HCRTR2: variants seen among roughly 807,000 people sequenced by gnomAD.
HCRTR2 encodes hypocretin receptor 2, also known as orexin receptor type 2.
In HCRTR2, 22 loss-of-function variants were observed where a neutral mutation model predicts 49.0. The observed-to-expected ratio is 0.45, with a 90% CI of 0.32 to 0.64. The LOEUF (loss-of-function observed/expected upper bound fraction) is 0.64, where lower values mean the gene tolerates loss of function less well. Among genes scored for constraint, HCRTR2 ranks in the 30% least tolerant of loss-of-function variants. The probability of loss-of-function intolerance (pLI) is 0.04; values close to 1 mark genes in which losing one functional copy is unlikely to be tolerated. For synonymous variants in HCRTR2, 236 were observed against 205.3 expected (o/e 1.15, Z -1.28); for missense variants, 491 against 559.4 (o/e 0.88, Z 1.23).
upstream of HCRTR2, chr6:55,174,497 C>A: frequency 2.7e-6 from 3 of 1,101,026 alleles, no homozygotes; most frequent in Non-Finnish European, 4.2e-6. Flanking sequence ...CTAGCCTCTC[C>A]GCGCAGCCTT....
At chr6:55,264,160 A>G (rs1030602040) in intron 4 of HCRTR2, among the ~76,000 whole-genome samples, 1 of 152,040 alleles carries the variant, frequency 6.6e-6, no homozygotes, top group African/African-American at 2.4e-5. Context: ...TTCGCTTTCT[A>G]TGAGAAATAG....
intron 1 of HCRTR2, among the ~76,000 whole-genome samples, chr6:55,244,120 G>A (rs934709106): frequency 3.9e-5 from 6 of 151,924 alleles, no homozygotes. Flanking sequence ...TATTTTACGG[G>A]AAACATTATA....
intron 3 of HCRTR2, among the ~76,000 whole-genome samples, chr6:55,256,696 CA>C (rs138996618): frequency 0.18 from 26,335 of 147,588 alleles, 2,775 homozygotes; most frequent in Non-Finnish European, 0.24. Flanking sequence ...ATAGTGCAGA[CA>C]AAAAAAAAAT....
intron 1 of HCRTR2, among the ~76,000 whole-genome samples, chr6:55,150,713 T>C (rs1055797616): frequency 6.6e-6 from 1 of 152,038 alleles, no homozygotes; most frequent in Non-Finnish European, 1.5e-5. Flanking sequence ...GTATTTATCA[T>C]ATTTTCTTTA....
At chr6:55,266,422 A>T (rs565018626) in intron 4 of HCRTR2, among the ~76,000 whole-genome samples, 6 of 152,298 alleles carry the variant, frequency 3.9e-5, no homozygotes, top group African/African-American at 1.4e-4. Context: ...TAGAGAGGAC[A>T]TAGAGAATCT....
At chr6:55,140,619 A>C (rs1764493086) in intron 1 of HCRTR2, among the ~76,000 whole-genome samples, 1 of 152,144 alleles carries the variant, frequency 6.6e-6, no homozygotes, top group African/African-American at 2.4e-5. Flanking sequence ...GATTTTACAA[A>C]ATTTTTAACA....
intron 1 of HCRTR2, among the ~76,000 whole-genome samples, chr6:55,142,520 TA>T (rs1764522134): frequency 6.6e-6 from 1 of 152,140 alleles, no homozygotes; most frequent in Non-Finnish European, 1.5e-5. Context: ...ACTGATCATT[TA>T]ATGTTTAAAT....
intron 1 of HCRTR2, among the ~76,000 whole-genome samples, chr6:55,132,245 C>A (rs1361990947): frequency 1.3e-5 from 2 of 151,722 alleles, no homozygotes; most frequent in Admixed American, 1.3e-4. Context: ...AATTTGAGGG[C>A]AATCATTGTG....
At chr6:55,184,767 C>A (rs1765189887) in intron 1 of HCRTR2, among the ~76,000 whole-genome samples, 1 of 152,148 alleles carries the variant, frequency 6.6e-6, no homozygotes, top group African/African-American at 2.4e-5. Context: ...ATTATAATAT[C>A]CTTTTGTAGA....
intron 1 of HCRTR2, among the ~76,000 whole-genome samples, chr6:55,226,622 T>C (rs775456541): frequency 1.3e-5 from 2 of 152,120 alleles, no homozygotes; most frequent in Non-Finnish European, 2.9e-5. Flanking sequence ...AACTGCAATT[T>C]TATCTTAGGG....
chr6:55,165,621 G>A (rs1764865002), intron 1 of HCRTR2, among the ~76,000 whole-genome samples: 1 of 151,276 alleles, frequency 6.6e-6, no homozygotes, highest in African/African-American at 2.4e-5. Context: ...TGAATAAATT[G>A]GATCTTATCA....
chr6:55,256,406 G>C (rs1346566061), intron 3 of HCRTR2, among the ~76,000 whole-genome samples: 1 of 151,876 alleles, frequency 6.6e-6, no homozygotes, highest in Non-Finnish European at 1.5e-5. Flanking sequence ...CTTGGTGTTT[G>C]TACTAGAACA....
chr6:55,189,886 G>A (rs1765287694), intron 1 of HCRTR2, among the ~76,000 whole-genome samples: 1 of 152,108 alleles, frequency 6.6e-6, no homozygotes, highest in South Asian at 2.1e-4. Context: ...ATCAACTGTA[G>A]TGTATAGAAG....
At chr6:55,242,388 A>C (rs76683351) in intron 1 of HCRTR2, among the ~76,000 whole-genome samples, 1 of 69,174 alleles carries the variant, frequency 1.4e-5, no homozygotes, top group Non-Finnish European at 3.1e-5. Context: ...CCCCTGGGGG[A>C]AAAAAAAATC....
intron 1 of HCRTR2, among the ~76,000 whole-genome samples, chr6:55,133,659 T>A (rs1219176739): frequency 1.5e-5 from 2 of 132,908 alleles, no homozygotes; most frequent in Non-Finnish European, 3.3e-5. Flanking sequence ...TCTATCTATC[T>A]ATCATCTATC....
intron 4 of HCRTR2, among the ~76,000 whole-genome samples, chr6:55,268,291 CAA>C (rs1379444961): frequency 6.6e-6 from 1 of 151,742 alleles, no homozygotes; most frequent in Non-Finnish European, 1.5e-5. Flanking sequence ...TAGAGGAAGA[CAA>C]GAGATACAAT....
At chr6:55,139,825 G>A (rs1193962502) in intron 1 of HCRTR2, among the ~76,000 whole-genome samples, 1 of 152,168 alleles carries the variant, frequency 6.6e-6, no homozygotes. Flanking sequence ...TTGCTAACTA[G>A]TACCCCTAGT....
At chr6:55,230,790 ACT>A (rs1448711806) in intron 1 of HCRTR2, among the ~76,000 whole-genome samples, 1 of 152,102 alleles carries the variant, frequency 6.6e-6, no homozygotes, top group African/African-American at 2.4e-5. Flanking sequence ...TGAGGCAAAA[ACT>A]CAGGTGTGGC....
At chr6:55,153,349 A>G (rs2127258941) in intron 1 of HCRTR2, among the ~76,000 whole-genome samples, 1 of 152,186 alleles carries the variant, frequency 6.6e-6, no homozygotes, top group Non-Finnish European at 1.5e-5. Flanking sequence ...CTACACACCT[A>G]GGCTATAAGG....
Sources: gnomAD v4.1 joint callset for allele counts (sites outside exome capture counted in the v4.1 genomes callset) on GRCh38, gnomAD v4.1.1 for gene constraint, MANE v1.5 for transcripts, NCBI Gene and HGNC (gene_info 2026-07-23, HGNC 2026-07-21) for gene names.